Variants in GPR55 observed in about 807,000 individuals in gnomAD.
GPR55 encodes the protein G protein-coupled receptor 55.
In GPR55, 6 loss-of-function variants were observed where a neutral mutation model predicts 7.9. The observed-to-expected ratio is 0.76, with a 90% CI of 0.41 to 1.49. The LOEUF (loss-of-function observed/expected upper bound fraction) is 1.49, where lower values mean the gene tolerates loss of function less well. Among genes scored for constraint, GPR55 ranks in the 40% most tolerant of loss-of-function variants. GPR55 has a pLI of 0.01. For synonymous variants in GPR55, 183 were observed against 166.8 expected, an observed-to-expected ratio of 1.10 and a Z score of -0.75; for missense variants, 376 against 406.0, an observed-to-expected ratio of 0.93 and a Z score of 0.63.
intron 1 of GPR55, among the ~76,000 whole-genome samples, chr2:230,933,729 C>A (rs921679847): frequency 1.3e-5 from 2 of 152,226 alleles, no homozygotes; most frequent in Non-Finnish European, 2.9e-5. Context: ...GCAGCATTCC[C>A]CACTCCTGGA....
intron 1 of GPR55, among the ~76,000 whole-genome samples, chr2:230,916,905 T>G (rs1268455425): frequency 6.6e-6 from 1 of 152,176 alleles, no homozygotes; most frequent in Non-Finnish European, 1.5e-5. Flanking sequence ...AAATTCAACT[T>G]TTATTAATAT....
chr2:230,932,634 C>G (rs1258717139), intron 1 of GPR55, among the ~76,000 whole-genome samples: 1 of 152,174 alleles, frequency 6.6e-6, no homozygotes, highest in East Asian at 1.9e-4. Context: ...ACGTGGGGCT[C>G]GAAACTGGCC....
In GPR55 at chr2:230,909,991, G is replaced by A. The variant is rs774930878; in HGVS notation, c.*12C>T. The A allele has an allele frequency of 5.6e-6, 9 of 1,606,934 alleles. No homozygotes were observed. The highest frequency in any genetic ancestry group is 2.2e-5 in the East Asian group (1 of 44,834). On this transcript the variant is annotated 3_prime_UTR_variant, in exon 2 of 2. Coordinates refer to ENST00000650999, the MANE Select transcript of GPR55 (RefSeq NM_005683.4). ...GCCAGGGCTTTCTTCCCCTGAACAG[G>A]ATGTCCTTCCGTTAGCCCCGGGAGA...
At chr2:230,954,843 T>C (rs1029681124) in intron 1 of GPR55, among the ~76,000 whole-genome samples, 3 of 152,252 alleles carry the variant, frequency 2.0e-5, no homozygotes, top group Non-Finnish European at 4.4e-5. Context: ...TTAGCAAATA[T>C]GGCTTCCATG....
intron 1 of GPR55, among the ~76,000 whole-genome samples, chr2:230,917,431 C>T (rs1690741915): frequency 6.6e-6 from 1 of 152,084 alleles, no homozygotes; most frequent in Admixed American, 6.6e-5. Flanking sequence ...ATCTACCTTA[C>T]AAGAACAAAA....
intron 1 of GPR55, among the ~76,000 whole-genome samples, chr2:230,952,722 C>T (rs1488576361): frequency 6.6e-6 from 1 of 152,154 alleles, no homozygotes; most frequent in Non-Finnish European, 1.5e-5. Flanking sequence ...CTGAAATGGC[C>T]CACGGCCACC....
chr2:230,910,484 T>A lies in GPR55; in HGVS notation c.479A>T (p.His160Leu). ...GCACATGTATTTTTCCACTTTCCCATGGAAACTGTAGATAGGGATGCTTCC... is the reference window on the plus strand; with the variant it reads ...GCACATGTATTTTTCCACTTTCCCAAGGAAACTGTAGATAGGGATGCTTCC... ...WTGSIPIYSF[H>L]GKVEKYMCFH... Residue 160 changes from histidine to leucine, a missense_variant, in exon 2 of 2, where the codon CAT becomes CTT. By Grantham distance (99) the His-to-Leu change is moderately conservative. Coordinates refer to ENST00000650999, the MANE Select transcript of GPR55 (RefSeq NM_005683.4). The surrounding 1 kb of genome is among the most constrained non-coding windows in gnomAD (Gnocchi z 5.4). The A allele has an allele frequency of 6.2e-7, 1 of 1,614,074 alleles. No individual in the cohort carries two copies. The highest frequency in any genetic ancestry group is 8.5e-7 in the Non-Finnish European group (1 of 1,179,998).
Position 230,910,629 on chromosome 2 carries a change from T to C in GPR55, c.334A>G (p.Ile112Val), listed in dbSNP as rs765490785. 2 of 1,613,924 alleles carry C rather than the reference T, an allele frequency of 1.2e-6. No homozygotes were observed. Among genetic ancestry groups the C allele is most frequent in the Admixed American group, 1.7e-5 (1 of 60,016 alleles). Residue 112 changes from isoleucine to valine, a missense_variant, in exon 2 of 2, where the codon ATC (isoleucine) becomes GTC (valine). Transcript: ENST00000650999. The surrounding 1 kb of genome is among the most constrained non-coding windows in gnomAD (Gnocchi z 5.4). The part of the protein sequence containing the change: ...FVSMYGSVFT[I>V]CFISMDRFLA... ...AACCGGTCCATGCTGATGAAGCAGA[T>C]GGTGAAGACGCTTCCGTACATGCTG...
intron 1 of GPR55, among the ~76,000 whole-genome samples, chr2:230,933,955 A>G (rs1386350266): frequency 6.6e-6 from 1 of 152,098 alleles, no homozygotes; most frequent in Admixed American, 6.5e-5. Flanking sequence ...ATCTGCAGTC[A>G]CCCCAAAGCT....
chr2:230,950,288 T>C (rs1691380313), intron 1 of GPR55, among the ~76,000 whole-genome samples: 2 of 152,240 alleles, frequency 1.3e-5, no homozygotes, highest in Non-Finnish European at 2.9e-5. Context: ...ATGCAGAGTG[T>C]GCTGGACAGA....
At chr2:230,916,599 C>T (rs1690723267) in intron 1 of GPR55, among the ~76,000 whole-genome samples, 1 of 151,478 alleles carries the variant, frequency 6.6e-6, no homozygotes, top group Non-Finnish European at 1.5e-5. Context: ...ATTAATAAAG[C>T]AGGAAGAATG....
rs1208018374 is a variant in GPR55, at chr2:230,923,663, C to T, written c.-135+1505G>A. On this transcript the variant is annotated intron_variant, in intron 1 of 1. Coordinates refer to ENST00000650999, the MANE Select transcript of GPR55 (RefSeq NM_005683.4). The surrounding 1 kb of genome is among the most constrained non-coding windows in gnomAD (Gnocchi z 4.1). ...GCTTGGGGACGTGAAAGGTGGCCAGCAGTGTGCTCAGTGATCTACGATGGG... is the reference window on the plus strand; with the variant it reads ...GCTTGGGGACGTGAAAGGTGGCCAGTAGTGTGCTCAGTGATCTACGATGGG... Among the ~76,000 whole-genome samples the T allele has an allele frequency of 6.6e-6, 1 of 152,090 alleles. No individual in the cohort carries two copies. The highest frequency in any genetic ancestry group is 1.5e-5 in the Non-Finnish European group (1 of 68,010).
Position 230,910,700 on chromosome 2 carries a change from G to T in GPR55, c.263C>A (p.Ser88Tyr). The change falls in exon 2 of 2, where the codon TCC (serine) becomes TAC (tyrosine). Residue 88 changes from serine (S) to tyrosine (Y), a missense_variant. Transcript: ENST00000650999. The surrounding 1 kb of genome is among the most constrained non-coding windows in gnomAD (Gnocchi z 5.4). The stretch of plus-strand genomic sequence containing the variant: ...CAGGGTGCACAGGGACGGGAAGGGG[G>T]ACTGTACCTGGGACAGGACCATCTT... Reference protein sequence around the residue: ...PFKMVLSQVQSPFPSLCTLVE... With the variant: ...PFKMVLSQVQYPFPSLCTLVE... 1 of 1,613,272 alleles carries T rather than the reference G, an allele frequency of 6.2e-7. No individual in the cohort carries two copies. The highest frequency in any genetic ancestry group is 1.1e-5 in the South Asian group (1 of 91,054).
chr2:230,910,397 C>G lies in GPR55; in HGVS notation c.566G>C (p.Gly189Ala). 6.2e-7 allele frequency: 1 copy of G among 1,614,012 alleles called. No individual in the cohort carries two copies. Among genetic ancestry groups the G allele is most frequent in the Non-Finnish European group, 8.5e-7 (1 of 1,179,946 alleles). ...CATGATGCCCATGGGAAGGAGGAAG[C>G]CAAACACCTCCAGCGGGAAGAAGAC... ...AKVFFPLEVFGFLLPMGIMGF... is the reference protein window; with the variant it reads ...AKVFFPLEVFAFLLPMGIMGF... Residue 189 changes from glycine to alanine, a missense_variant, in exon 2 of 2, where the codon GGC becomes GCC. Transcript: ENST00000650999. The surrounding 1 kb of genome is among the most constrained non-coding windows in gnomAD (Gnocchi z 5.4).
chr2:230,937,388 G>C (rs963197567), intron 1 of GPR55, among the ~76,000 whole-genome samples: 3 of 84,146 alleles, frequency 3.6e-5, no homozygotes, highest in Non-Finnish European at 4.3e-5. Context: ...CTGGGCAAGA[G>C]AGTGAGGCAT....
chr2:230,933,055 G>T (rs1312195070), intron 1 of GPR55, among the ~76,000 whole-genome samples: 1 of 135,910 alleles, frequency 7.4e-6, no homozygotes, highest in African/African-American at 2.9e-5. Context: ...GCTGCTTCCA[G>T]CCCACTCCTT....
At chr2:230,929,833 T>G (rs952917507), upstream of GPR55, 1 of 152,188 alleles carries the variant, frequency 6.6e-6, no homozygotes, top group Non-Finnish European at 1.5e-5. Context: ...AGGAGAGAAT[T>G]CTGGAAGCCC....
intron 1 of GPR55, among the ~76,000 whole-genome samples, chr2:230,947,205 C>T (rs1355866546): frequency 5.9e-5 from 9 of 152,156 alleles, no homozygotes; most frequent in Non-Finnish European, 1.0e-4. Context: ...GTATCAGTCT[C>T]CCCTTGGTCA....
rs1690882283 is a variant in GPR55 at position 230,923,474 on chromosome 2, TAA to T, written c.-135+1692_-135+1693del. Among the ~76,000 whole-genome samples the T allele has an allele frequency of 6.6e-6, 1 of 152,182 alleles. No individual in the cohort carries two copies. The highest frequency in any genetic ancestry group is 1.9e-4 in the East Asian group (1 of 5,200). ...TCCACCAGTAACACCATAGTGTGAA[TAA>T]AGTCATCCGCCTGTGCCTGAGCTGG... On this transcript the variant is annotated intron_variant, in intron 1 of 1. Transcript: ENST00000650999. This position sits in a 1 kb window ranked among gnomAD's most constrained non-coding sequence, Gnocchi z 4.1.
Sources: allele counts gnomAD v4.1 joint callset (sites outside exome capture counted in the v4.1 genomes callset), GRCh38; gene constraint gnomAD v4.1.1; non-coding constraint Gnocchi (gnomAD v3.1); transcripts MANE v1.5; gene names NCBI Gene and HGNC (gene_info 2026-07-23, HGNC 2026-07-21).